KLHL5: variants seen among roughly 807,000 people sequenced by gnomAD.
KLHL5 encodes the protein kelch like family member 5, also known as kelch-like protein 5.
In KLHL5, 48 loss-of-function variants were observed where a neutral mutation model predicts 77.7. That is an observed-to-expected ratio of 0.62 (90% confidence interval 0.49 to 0.79). The LOEUF is 0.79. Among genes scored for constraint, KLHL5 ranks in the 30% least tolerant of loss-of-function variants. KLHL5 has a pLI of 0.00. For missense variants in KLHL5, 723 were observed against 859.7 expected (o/e 0.84, Z 1.99); for synonymous variants, 260 against 297.0 (o/e 0.88, Z 1.28).
Position 39,081,251 on chromosome 4 carries a change from G to A in KLHL5, c.703+12G>A. On this transcript the variant is annotated intron_variant, in intron 3 of 10. Transcript: ENST00000504108. The surrounding 1 kb of genome is among the most constrained non-coding windows in gnomAD (Gnocchi z 4.3). ...GTATGCTTATACAGGTAACGAGTCTGAAAATGTAAATTAAAACCTCTTAGA... is the reference window on the plus strand; with the variant it reads ...GTATGCTTATACAGGTAACGAGTCTAAAAATGTAAATTAAAACCTCTTAGA... 6.3e-7 allele frequency: 1 copy of A among 1,578,602 alleles called. No individual in the cohort carries two copies. Among genetic ancestry groups the A allele is most frequent in the South Asian group, 1.2e-5 (1 of 84,528 alleles).
intron 4 of KLHL5, among the ~76,000 whole-genome samples, chr4:39,085,653 T>C (rs1719974579): frequency 6.6e-6 from 1 of 152,190 alleles, no homozygotes; most frequent in South Asian, 2.1e-4. Flanking sequence ...CAAGGTCATC[T>C]CACACCTAAG....
intron 1 of KLHL5, among the ~76,000 whole-genome samples, chr4:39,049,001 T>C (rs1426242702): frequency 6.6e-6 from 1 of 152,092 alleles, no homozygotes; most frequent in African/African-American, 2.4e-5. Flanking sequence ...TGCTATTTCA[T>C]TGGCCAAAAG....
intron 6 of KLHL5, among the ~76,000 whole-genome samples, chr4:39,101,857 AAAAT>A (rs1414945060): frequency 8.1e-6 from 1 of 122,748 alleles, no homozygotes; most frequent in African/African-American, 3.2e-5. Flanking sequence ...AAAAAAAAAA[AAAAT>A]ATATATATAT....
At chr4:39,116,618 G>A (rs1470927831) in intron 10 of KLHL5, among the ~76,000 whole-genome samples, 1 of 152,098 alleles carries the variant, frequency 6.6e-6, no homozygotes, top group African/African-American at 2.4e-5. Flanking sequence ...AAATGTGAAA[G>A]AAATGTCACC....
At chr4:39,079,262 T>C (rs1213534316) in intron 2 of KLHL5, among the ~76,000 whole-genome samples, 3 of 152,220 alleles carry the variant, frequency 2.0e-5, no homozygotes, top group Admixed American at 2.0e-4. Flanking sequence ...TGAGTGATCC[T>C]TTAAAGTGGA....
At chr4:39,075,056 G>A (rs1458079530) in intron 1 of KLHL5, among the ~76,000 whole-genome samples, 4 of 152,102 alleles carry the variant, frequency 2.6e-5, no homozygotes, top group Admixed American at 2.6e-4. Context: ...ATACAGGTGG[G>A]TGCGGTGGCT....
intron 10 of KLHL5, among the ~76,000 whole-genome samples, chr4:39,120,751 G>A (rs1290520318): frequency 1.3e-5 from 2 of 152,182 alleles, no homozygotes; most frequent in Non-Finnish European, 2.9e-5. Context: ...TAATTCTTGA[G>A]CTGTTTTAAA....
intron 8 of KLHL5, among the ~76,000 whole-genome samples, chr4:39,108,910 C>T (rs577363912): frequency 2.6e-5 from 4 of 152,154 alleles, no homozygotes; most frequent in East Asian, 1.9e-4. Context: ...ACCTGATTTC[C>T]GGACCTACCG....
chr4:39,100,541 T>C (rs752490479), intron 6 of KLHL5, among the ~76,000 whole-genome samples: 1 of 152,208 alleles, frequency 6.6e-6, no homozygotes, highest in Non-Finnish European at 1.5e-5. Context: ...TTCTCTTTTA[T>C]AGATAGGGAA....
chr4:39,114,604 A>G (rs765486142), intron 9 of KLHL5, among the ~76,000 whole-genome samples: 4 of 152,194 alleles, frequency 2.6e-5, no homozygotes, highest in Non-Finnish European at 5.9e-5. Context: ...TGCTCGTTGC[A>G]TGTTGTAATC....
At chr4:39,119,090 C>T (rs961384115) in intron 10 of KLHL5, among the ~76,000 whole-genome samples, 2 of 152,040 alleles carry the variant, frequency 1.3e-5, no homozygotes, top group African/African-American at 2.4e-5. Context: ...TGTATTTAAG[C>T]CCTAAGTCCA....
chr4:39,059,744 A>G (rs1209363338), upstream of KLHL5, among the ~76,000 whole-genome samples: 1 of 151,964 alleles, frequency 6.6e-6, no homozygotes, highest in Non-Finnish European at 1.5e-5. Context: ...GTAAAAACAT[A>G]AAAAATTAGC....
chr4:39,136,180 T>A, the KLHL5 span, among the ~76,000 whole-genome samples: 3 of 151,912 alleles, frequency 2.0e-5, no homozygotes, highest in Admixed American at 2.0e-4. Flanking sequence ...ATTTTTTTTT[T>A]AACTGAGTCT....
At chr4:39,138,323 T>C in the KLHL5 span, among the ~76,000 whole-genome samples, 1 of 152,152 alleles carries the variant, frequency 6.6e-6, no homozygotes. Flanking sequence ...CGCAGCACTA[T>C]TCACAATAGC....
At chr4:39,098,162 CA>C (rs1384052402) in intron 6 of KLHL5, among the ~76,000 whole-genome samples, 5 of 151,530 alleles carry the variant, frequency 3.3e-5, no homozygotes, top group African/African-American at 1.2e-4. Flanking sequence ...AGTTAATTTC[CA>C]GATTTTGATT....
chr4:39,064,027 G>A (rs1374336029), intron 1 of KLHL5, among the ~76,000 whole-genome samples: 1 of 151,984 alleles, frequency 6.6e-6, no homozygotes, highest in African/African-American at 2.4e-5. Flanking sequence ...AAATTTCTGT[G>A]CAGCTTTTGA....
At chr4:39,136,185 G>A in the KLHL5 span, among the ~76,000 whole-genome samples, 1 of 150,698 alleles carries the variant, frequency 6.6e-6, no homozygotes, top group Non-Finnish European at 1.5e-5. Flanking sequence ...TTTTTTAACT[G>A]AGTCTTTCTC....
chr4:39,074,508 T>C (rs1245391743), intron 1 of KLHL5, among the ~76,000 whole-genome samples: 1 of 152,230 alleles, frequency 6.6e-6, no homozygotes, highest in Admixed American at 6.5e-5. Context: ...AACTGTGTGA[T>C]GTAATAGTTC....
chr4:39,137,184 C>CAT, the KLHL5 span, among the ~76,000 whole-genome samples: 3 of 150,996 alleles, frequency 2.0e-5, no homozygotes, highest in East Asian at 2.0e-4. Context: ...CAAATATGTG[C>CAT]GTGTGTGTGT....
Sources: allele counts gnomAD v4.1 joint callset (sites outside exome capture counted in the v4.1 genomes callset), GRCh38; gene constraint gnomAD v4.1.1; non-coding constraint Gnocchi (gnomAD v3.1); transcripts MANE v1.5; gene names NCBI Gene and HGNC (gene_info 2026-07-23, HGNC 2026-07-21).